VIPR2: variants seen among roughly 807,000 people sequenced by gnomAD.
VIPR2 encodes vasoactive intestinal polypeptide receptor 2.
A neutral mutation model predicts 58.0 loss-of-function variants in VIPR2; 48 were observed. The observed-to-expected ratio is 0.83, with a 90% CI of 0.66 to 1.05. The LOEUF (loss-of-function observed/expected upper bound fraction) is 1.05, where lower values mean the gene tolerates loss of function less well. Among genes scored for constraint, VIPR2 ranks in the 50% least tolerant of loss-of-function variants. VIPR2 has a pLI of 0.00. For synonymous variants in VIPR2, 243 were observed against 235.2 expected (o/e 1.03, Z -0.30); for missense variants, 534 against 558.0 (o/e 0.96, Z 0.43).
intron 2 of VIPR2, among the ~76,000 whole-genome samples, chr7:159,120,686 C>A (rs1379295331): frequency 2.6e-5 from 4 of 152,182 alleles, no homozygotes; most frequent in African/African-American, 4.8e-5. Flanking sequence ...TAGTAACAGG[C>A]TAGTGTGCAG....
In VIPR2 at chr7:159,103,924, G is replaced by A. The variant is rs118057171; in HGVS notation, c.260-70C>T. The A allele has an allele frequency of 2.5e-3, 3,332 of 1,346,134 alleles. 40 individuals are homozygous for A. In the East Asian group the frequency reaches 0.038, roughly 15 times the overall value. The allele number at this position is 1,346,134 out of a possible 1,614,324, so 83.4% of individuals were successfully genotyped here. A position where few individuals can be genotyped will look rare whatever the true frequency, so the allele number is the denominator to read the frequency against. ...CTGGCCTTAGAAGGGACCTTAGTCCGTGCTGAGCCCGTGCTCTATTAAAAT... is the reference window on the plus strand; with the variant it reads ...CTGGCCTTAGAAGGGACCTTAGTCCATGCTGAGCCCGTGCTCTATTAAAAT... On this transcript the variant is annotated intron_variant, in intron 3 of 12. Transcript: ENST00000262178.
At chr7:159,076,157 G>C (rs1442771398) in intron 4 of VIPR2, among the ~76,000 whole-genome samples, 1 of 152,188 alleles carries the variant, frequency 6.6e-6, no homozygotes, top group East Asian at 1.9e-4. Flanking sequence ...CCAGGATCTT[G>C]TGCGTTTTTG....
At chr7:159,136,451 CAT>C (rs1230435964) in intron 2 of VIPR2, among the ~76,000 whole-genome samples, 14 of 152,250 alleles carry the variant, frequency 9.2e-5, no homozygotes, top group African/African-American at 3.1e-4. Flanking sequence ...AAATCAAAAA[CAT>C]GTGAGAGTCG....
Position 159,036,030 on chromosome 7 carries a change from G to A in VIPR2, c.749-18C>T. 6.2e-7 allele frequency: 1 copy of A among 1,611,614 alleles called. No homozygotes were observed. On this transcript the variant is annotated intron_variant, in intron 7 of 12. Transcript: ENST00000262178. The stretch of plus-strand genomic sequence containing the variant: ...GGGGAGGCCTGCAGAGAGACGCCTG[G>A]TTACACAGGTGGAGCGGAGCGGTGT...
At chr7:159,083,294 C>A (rs1434188765) in intron 4 of VIPR2, among the ~76,000 whole-genome samples, 2 of 152,244 alleles carry the variant, frequency 1.3e-5, no homozygotes, top group African/African-American at 4.8e-5. Flanking sequence ...CCAGCTTCAT[C>A]CGGAACCTTA....
At chr7:159,104,452 GC>G (rs1182104848) in intron 3 of VIPR2, among the ~76,000 whole-genome samples, 1 of 148,742 alleles carries the variant, frequency 6.7e-6, no homozygotes, top group Non-Finnish European at 1.5e-5. Context: ...CCTCCTCCTG[GC>G]CAGCACCCTT....
At chr7:159,064,455 G>T (rs528621638) in intron 4 of VIPR2, among the ~76,000 whole-genome samples, 6 of 152,298 alleles carry the variant, frequency 3.9e-5, no homozygotes, top group African/African-American at 1.4e-4. Flanking sequence ...CGGGTTCGTT[G>T]TGAGTGAGGA....
rs1352783196 is a variant in VIPR2, at chr7:159,043,225, G to A, written c.456-49C>T. 4 of 1,001,486 alleles carry A rather than the reference G, an allele frequency of 4.0e-6. No homozygotes were observed. In the Admixed American group the frequency reaches 6.0e-5, roughly 15 times the overall value. The allele number at this position is 1,001,486 out of a possible 1,614,324, so 62.0% of individuals were successfully genotyped here. On this transcript the variant is annotated intron_variant, in intron 5 of 12. Coordinates refer to ENST00000262178, the MANE Select transcript of VIPR2 (RefSeq NM_003382.5). ...GAGGAATTGGAGGGGGAAGGGGAGG[G>A]AGGGAGAGAGAACCAGACAGAGATG...
Position 159,090,553 on chromosome 7 carries a change from G to A in VIPR2, c.357+13204C>T, listed in dbSNP as rs2540355. ...CTCAGCACAGACACGCTGGGACCACGCACAGGGGCCACCTCTTGTGACCAT... is the reference window on the plus strand; with the variant it reads ...CTCAGCACAGACACGCTGGGACCACACACAGGGGCCACCTCTTGTGACCAT... On this transcript the variant is annotated intron_variant, in intron 4 of 12. Transcript: ENST00000262178. Among the ~76,000 whole-genome samples the A allele has an allele frequency of 3.3e-4, 28 of 84,616 alleles. 1 individual carries two copies. The highest frequency in any genetic ancestry group is 1.2e-3 in the South Asian group (3 of 2,560). 55.5% of individuals were successfully genotyped at this position (84,616 alleles called of 152,430 possible).
intron 4 of VIPR2, among the ~76,000 whole-genome samples, chr7:159,090,322 T>C (rs1350569594): frequency 1.6e-5 from 1 of 63,430 alleles, no homozygotes; most frequent in Non-Finnish European, 2.7e-5. Flanking sequence ...CAATCCCCAG[T>C]GACCTCGGCA....
chr7:159,035,178 C>T (rs982777685), intron 8 of VIPR2, among the ~76,000 whole-genome samples: 16 of 152,308 alleles, frequency 1.1e-4, no homozygotes, highest in Middle Eastern at 3.4e-3. Flanking sequence ...CCACACCCTG[C>T]GCTGGAAGTC....
At chr7:159,135,778 A>G (rs994080841) in intron 2 of VIPR2, among the ~76,000 whole-genome samples, 10 of 152,208 alleles carry the variant, frequency 6.6e-5, no homozygotes, top group Non-Finnish European at 5.9e-5. Flanking sequence ...AGTTGAGATC[A>G]TGCTATTGCA....
chr7:159,093,594 C>T lies in VIPR2; in HGVS notation c.357+10163G>A, dbSNP rs1389345155. Among the ~76,000 whole-genome samples the T allele has an allele frequency of 2.0e-5, 3 of 152,202 alleles. No homozygotes were observed. Among genetic ancestry groups the T allele is most frequent in the East Asian group, 3.8e-4 (2 of 5,196 alleles). On this transcript the variant is annotated intron_variant, in intron 4 of 12. Coordinates refer to ENST00000262178, the MANE Select transcript of VIPR2 (RefSeq NM_003382.5). This position sits in a 1 kb window ranked among gnomAD's most constrained non-coding sequence, Gnocchi z 6.7. ...GCAGAGCAGCGCTGGGCTCAGGATC[C>T]GAGATGGGAGCGAGGAGCTGTTCCA... is the stretch of plus-strand genomic sequence containing the variant.
At chr7:159,067,854 T>C (rs539536957) in intron 4 of VIPR2, among the ~76,000 whole-genome samples, 3 of 152,260 alleles carry the variant, frequency 2.0e-5, no homozygotes, top group African/African-American at 4.8e-5. Flanking sequence ...AGGCTATCAC[T>C]TGGGCTTGCC....
intron 5 of VIPR2, among the ~76,000 whole-genome samples, chr7:159,044,856 C>A (rs1277324335): frequency 6.6e-6 from 1 of 151,984 alleles, no homozygotes; most frequent in Non-Finnish European, 1.5e-5. Flanking sequence ...ACTTCTGCCT[C>A]CCTGATTCAA....
chr7:159,060,852 A>G (rs1855606760), intron 4 of VIPR2, among the ~76,000 whole-genome samples: 1 of 152,216 alleles, frequency 6.6e-6, no homozygotes, highest in South Asian at 2.1e-4. Context: ...CTGATTTCTC[A>G]AAGAACTTAG....
At chr7:159,100,592 G>T (rs1858144185) in intron 4 of VIPR2, among the ~76,000 whole-genome samples, 1 of 152,236 alleles carries the variant, frequency 6.6e-6, no homozygotes, top group South Asian at 2.1e-4. Context: ...TGGTTTTCCT[G>T]TGTCCCCGCC....
chr7:159,045,203 G>A (rs1854574102), intron 5 of VIPR2, among the ~76,000 whole-genome samples: 3 of 152,190 alleles, frequency 2.0e-5, no homozygotes, highest in Admixed American at 2.0e-4. Flanking sequence ...AGAGACTTGT[G>A]GAATTCCATC....
At chr7:159,124,615 T>C (rs1244303996) in intron 2 of VIPR2, among the ~76,000 whole-genome samples, 2 of 152,236 alleles carry the variant, frequency 1.3e-5, no homozygotes, top group African/African-American at 4.8e-5. Context: ...AGGATTGTCT[T>C]AGCTATGTGG....
Sources: allele counts gnomAD v4.1 joint callset (sites outside exome capture counted in the v4.1 genomes callset), GRCh38; gene constraint gnomAD v4.1.1; non-coding constraint Gnocchi (gnomAD v3.1); transcripts MANE v1.5; gene names NCBI Gene and HGNC (gene_info 2026-07-23, HGNC 2026-07-21).